BMP7: variants seen among roughly 807,000 people sequenced by gnomAD.
BMP7 encodes bone morphogenetic protein 7.
Under a neutral mutation model 41.2 loss-of-function variants are expected in BMP7, and 12 were observed. The observed-to-expected ratio is 0.29, with a 90% CI of 0.19 to 0.47. The LOEUF is 0.47. Among genes scored for constraint, BMP7 ranks in the 20% least tolerant of loss-of-function variants. The probability of loss-of-function intolerance (pLI) is 0.99; values close to 1 mark genes in which losing one functional copy is unlikely to be tolerated. For synonymous variants in BMP7, 248 were observed against 250.0 expected (o/e 0.99, Z 0.07); for missense variants, 467 against 606.0 (o/e 0.77, Z 2.41).
chr20:57,208,773 G>T (rs922160047), intron 2 of BMP7, among the ~76,000 whole-genome samples: 1 of 152,246 alleles, frequency 6.6e-6, no homozygotes, highest in Middle Eastern at 3.4e-3. Context: ...TCTGATAAAG[G>T]CTACAACACA....
intron 1 of BMP7, among the ~76,000 whole-genome samples, chr20:57,251,816 C>T (rs1407510201): frequency 6.6e-6 from 1 of 152,208 alleles, no homozygotes; most frequent in African/African-American, 2.4e-5. Context: ...CGCCTGTAAT[C>T]CCAGCTACTC....
intron 1 of BMP7, among the ~76,000 whole-genome samples, chr20:57,260,006 GCTCA>G (rs2066147740): frequency 6.6e-6 from 1 of 152,100 alleles, no homozygotes; most frequent in Non-Finnish European, 1.5e-5. Flanking sequence ...ATACCAAACG[GCTCA>G]CTAATAGCCG....
intron 1 of BMP7, among the ~76,000 whole-genome samples, chr20:57,235,862 C>T (rs140843237): frequency 6.6e-6 from 1 of 152,158 alleles, no homozygotes; most frequent in Non-Finnish European, 1.5e-5. Flanking sequence ...GTGCCCTGAC[C>T]AGATCTATTT....
rs922173850 is a variant in BMP7, at chr20:57,170,698, A to G, written c.*261T>C. On this transcript the variant is annotated 3_prime_UTR_variant, in exon 7 of 7. Transcript: ENST00000395863. Reference sequence around the variant, plus strand: ...TCCCAGCCAATGACCTGGCCCGGCCATTTTTCTTTATGCGTTGTTTTTTTT... The same window carrying G: ...TCCCAGCCAATGACCTGGCCCGGCCGTTTTTCTTTATGCGTTGTTTTTTTT... The G allele has an allele frequency of 4.5e-6, 2 of 442,810 alleles. No individual in the cohort carries two copies. Among genetic ancestry groups the G allele is most frequent in the Admixed American group, 6.9e-5 (2 of 28,896 alleles). The allele number at this position is 442,810 out of a possible 1,614,324, so 27.4% of individuals were successfully genotyped here. A position where few individuals can be genotyped will look rare whatever the true frequency, so the allele number is the denominator to read the frequency against.
At chr20:57,217,862 A>C (rs574806521) in intron 2 of BMP7, among the ~76,000 whole-genome samples, 1 of 152,358 alleles carries the variant, frequency 6.6e-6, no homozygotes, top group African/African-American at 2.4e-5. Flanking sequence ...AGGTGTTAAA[A>C]CAGGGGAAAC....
At chr20:57,184,228 G>A (rs150796752) in intron 3 of BMP7, among the ~76,000 whole-genome samples, 223 of 152,298 alleles carry the variant, frequency 1.5e-3, no homozygotes, top group Middle Eastern at 3.4e-3. Context: ...AACCCCATAA[G>A]TGCCACTCAC....
chr20:57,190,789 C>A (rs1984338835), intron 3 of BMP7, among the ~76,000 whole-genome samples: 2 of 152,194 alleles, frequency 1.3e-5, no homozygotes, highest in Admixed American at 1.3e-4. Context: ...GAAGGATGGT[C>A]TCCTGCACCC....
intron 4 of BMP7, among the ~76,000 whole-genome samples, chr20:57,178,694 T>C (rs1983994653): frequency 6.6e-6 from 1 of 152,096 alleles, no homozygotes; most frequent in Admixed American, 6.5e-5. Context: ...CTCCTCCCTC[T>C]TCCCTGTGGG....
At chr20:57,263,958 T>TA (rs2066163607) in intron 1 of BMP7, among the ~76,000 whole-genome samples, 1 of 152,120 alleles carries the variant, frequency 6.6e-6, no homozygotes, top group South Asian at 2.1e-4. Context: ...GACACGATGA[T>TA]ATACAAGCAC....
At chr20:57,207,356 C>T (rs1459382471) in intron 2 of BMP7, among the ~76,000 whole-genome samples, 1 of 152,234 alleles carries the variant, frequency 6.6e-6, no homozygotes, top group Non-Finnish European at 1.5e-5. Flanking sequence ...CAGACCTAGT[C>T]AAGCTCCTAG....
chr20:57,255,772 C>G (rs1307135330), intron 1 of BMP7, among the ~76,000 whole-genome samples: 2 of 121,350 alleles, frequency 1.6e-5, no homozygotes, highest in Non-Finnish European at 3.2e-5. Flanking sequence ...TACACTCCAG[C>G]CTGGGGGATA....
chr20:57,257,824 C>CAAAAAAAAAAAAAAAAAAA (rs139904463), intron 1 of BMP7, among the ~76,000 whole-genome samples: 1 of 103,268 alleles, frequency 9.7e-6, no homozygotes, highest in African/African-American at 3.6e-5. Context: ...CACAAGCCAC[C>CAAAAAAAAAAAAAAAAAAA]AAAAAAAAAA....
intron 3 of BMP7, among the ~76,000 whole-genome samples, chr20:57,193,477 C>T (rs931343209): frequency 2.0e-5 from 3 of 152,162 alleles, no homozygotes; most frequent in South Asian, 2.1e-4. Context: ...TGGCTCCGAC[C>T]GCCGGCCTCT....
intron 3 of BMP7, among the ~76,000 whole-genome samples, chr20:57,189,061 T>G (rs1451202416): frequency 1.3e-5 from 2 of 152,168 alleles, no homozygotes. Flanking sequence ...CACATGAGCT[T>G]GGAGGTCAGC....
intron 2 of BMP7, among the ~76,000 whole-genome samples, chr20:57,204,540 C>G (rs1043500474): frequency 6.6e-6 from 1 of 152,256 alleles, no homozygotes; most frequent in African/African-American, 2.4e-5. Flanking sequence ...GGAACCGAGG[C>G]AGGTGCGAGG....
At chr20:57,223,863 C>T (rs906986675) in intron 2 of BMP7, among the ~76,000 whole-genome samples, 6 of 152,238 alleles carry the variant, frequency 3.9e-5, no homozygotes, top group East Asian at 1.9e-4. Flanking sequence ...GTCATGAATC[C>T]GCACATCATA....
At chr20:57,256,394 G>A (rs78067173) in intron 1 of BMP7, among the ~76,000 whole-genome samples, 4,094 of 152,200 alleles carry the variant, frequency 0.027, 78 homozygotes, top group Non-Finnish European at 0.041. Flanking sequence ...ATAGCGTGGT[G>A]TCATCTGTGC....
At chr20:57,198,696 C>T (rs1273396672) in intron 3 of BMP7, among the ~76,000 whole-genome samples, 1 of 152,176 alleles carries the variant, frequency 6.6e-6, no homozygotes, top group Admixed American at 6.5e-5. Context: ...AGACCCCCCA[C>T]CACCCGTGGC....
At chr20:57,250,980 T>TG (rs1392092951) in intron 1 of BMP7, among the ~76,000 whole-genome samples, 8 of 152,174 alleles carry the variant, frequency 5.3e-5, no homozygotes, top group Non-Finnish European at 1.2e-4. Context: ...AGACACGGCT[T>TG]GGGGGCCACC....
Sources: allele counts gnomAD v4.1 joint callset (sites outside exome capture counted in the v4.1 genomes callset), GRCh38; gene constraint gnomAD v4.1.1; transcripts MANE v1.5; gene names NCBI Gene and HGNC (gene_info 2026-07-23, HGNC 2026-07-21).